AUTS2: variants seen among roughly 807,000 people sequenced by gnomAD.
AUTS2 encodes autism susceptibility gene 2 protein.
In AUTS2, 17 loss-of-function variants were observed where a neutral mutation model predicts 112.4. The observed-to-expected ratio is 0.15, with a 90% CI of 0.10 to 0.23. The LOEUF is 0.23. Among genes scored for constraint, AUTS2 ranks in the 10% least tolerant of loss-of-function variants. AUTS2 has a pLI of 1.00. For synonymous variants in AUTS2, 751 were observed against 702.7 expected, an observed-to-expected ratio of 1.07 and a Z score of -1.09; for missense variants, 1,510 against 1,701.6, an observed-to-expected ratio of 0.89 and a Z score of 1.98.
intron 5 of AUTS2, among the ~76,000 whole-genome samples, chr7:70,516,286 C>T (rs73450518): frequency 0.015 from 2,245 of 152,304 alleles, 60 homozygotes; most frequent in African/African-American, 0.051. Context: ...TCCTTCCACA[C>T]ACCCGCACCT....
intron 1 of AUTS2, among the ~76,000 whole-genome samples, chr7:69,810,610 G>C (rs1172031860): frequency 1.3e-5 from 2 of 152,074 alleles, no homozygotes; most frequent in African/African-American, 4.8e-5. Context: ...GGTTTTGAGG[G>C]AAAGAGAGAG....
intron 1 of AUTS2, among the ~76,000 whole-genome samples, chr7:69,686,743 G>T (rs1012301867): frequency 1.3e-5 from 2 of 152,026 alleles, no homozygotes; most frequent in African/African-American, 4.8e-5. Flanking sequence ...TATAGCTTTT[G>T]TCAGATTCTC....
At chr7:70,727,615 T>C (rs1427059069) in intron 6 of AUTS2, among the ~76,000 whole-genome samples, 1 of 152,234 alleles carries the variant, frequency 6.6e-6, no homozygotes, top group African/African-American at 2.4e-5. Context: ...CCCAAAGTGC[T>C]GGGATTACAG....
chr7:70,054,621 C>A (rs1053619263), intron 2 of AUTS2, among the ~76,000 whole-genome samples: 13 of 151,962 alleles, frequency 8.6e-5, no homozygotes, highest in Non-Finnish European at 1.5e-4. Flanking sequence ...TTTGGTGAAC[C>A]TATGCTGATT....
At chr7:70,163,356 GGGCA>G in intron 4 of AUTS2, among the ~76,000 whole-genome samples, 1 of 77,326 alleles carries the variant, frequency 1.3e-5, no homozygotes, top group Middle Eastern at 5.7e-3. Flanking sequence ...GGGGGGGGGG[GGGCA>G]GAGGGGGAGG....
In AUTS2 at chr7:69,924,661, C is replaced by T. The variant is rs142094132; in HGVS notation, c.522+25163C>T. On this transcript the variant is annotated intron_variant, in intron 2 of 18. Transcript: ENST00000342771. ...CTGCTTCCTGGGTTCAAGCGATTCT[C>T]CTACCTCAGCCTCCTGAGTAGCTGG... Among the ~76,000 whole-genome samples the T allele has an allele frequency of 2.5e-3, 387 of 152,174 alleles. 2 individuals carry two copies. Among genetic ancestry groups the T allele is most frequent in the Admixed American group, 4.8e-3 (73 of 15,286 alleles).
At chr7:70,449,688 G>T (rs573235296) in intron 5 of AUTS2, among the ~76,000 whole-genome samples, 1 of 152,118 alleles carries the variant, frequency 6.6e-6, no homozygotes, top group Non-Finnish European at 1.5e-5. Flanking sequence ...ATATGGATAC[G>T]TATTTACAAT....
At chr7:70,574,040 A>G (rs13233654) in intron 5 of AUTS2, among the ~76,000 whole-genome samples, 7,758 of 152,088 alleles carry the variant, frequency 0.051, 262 homozygotes, top group Middle Eastern at 0.11. Context: ...TCATGCTTCT[A>G]CCATGGCGTT....
At chr7:70,303,437 C>CAT (rs1440858065) in intron 4 of AUTS2, among the ~76,000 whole-genome samples, 2 of 141,734 alleles carry the variant, frequency 1.4e-5, no homozygotes, top group East Asian at 4.2e-4. Flanking sequence ...CGCGCGCGCA[C>CAT]ATACACACAC....
At chr7:70,360,393 G>A (rs138396014) in intron 4 of AUTS2, among the ~76,000 whole-genome samples, 8 of 152,268 alleles carry the variant, frequency 5.3e-5, no homozygotes, top group East Asian at 3.9e-4. Flanking sequence ...GTGATCTGTC[G>A]TCTCCCAAAG....
At chr7:70,606,903 A>G (rs1265134908) in intron 5 of AUTS2, among the ~76,000 whole-genome samples, 1 of 151,414 alleles carries the variant, frequency 6.6e-6, no homozygotes, top group Non-Finnish European at 1.5e-5. Context: ...AGGACTTCTC[A>G]TACACGTGCG....
chr7:69,745,112 A>G (rs1332875537), intron 1 of AUTS2, among the ~76,000 whole-genome samples: 1 of 152,150 alleles, frequency 6.6e-6, no homozygotes, highest in African/African-American at 2.4e-5. Context: ...TCGCCTTTGC[A>G]TTTTGGTGGT....
chr7:70,221,746 G>A (rs900765731), intron 4 of AUTS2, among the ~76,000 whole-genome samples: 6 of 152,320 alleles, frequency 3.9e-5, no homozygotes, highest in African/African-American at 1.2e-4. Context: ...AATTAGCCGA[G>A]CGTGGTGGTG....
At chr7:70,733,177 T>G (rs1787538998) in intron 6 of AUTS2, among the ~76,000 whole-genome samples, 1 of 152,170 alleles carries the variant, frequency 6.6e-6, no homozygotes, top group Non-Finnish European at 1.5e-5. Context: ...CACTTAATTC[T>G]TCAAGGAAGG....
intron 5 of AUTS2, among the ~76,000 whole-genome samples, chr7:70,671,664 C>G (rs182368976): frequency 1.1e-3 from 163 of 152,240 alleles, no homozygotes; most frequent in African/African-American, 2.9e-3. Context: ...AATAACCCCC[C>G]CTATGAATGA....
chr7:70,193,398 G>A (rs1810006413), intron 4 of AUTS2, among the ~76,000 whole-genome samples: 2 of 152,176 alleles, frequency 1.3e-5, no homozygotes, highest in South Asian at 4.1e-4. Flanking sequence ...AGCTAAAACT[G>A]AGTAAGATCT....
chr7:70,663,068 T>C (rs894405928), intron 5 of AUTS2, among the ~76,000 whole-genome samples: 1 of 152,162 alleles, frequency 6.6e-6, no homozygotes, highest in African/African-American at 2.4e-5. Flanking sequence ...TTTTACAGAG[T>C]AACTGAGGTT....
intron 6 of AUTS2, among the ~76,000 whole-genome samples, chr7:70,751,256 G>A (rs775572420): frequency 9.9e-5 from 15 of 152,226 alleles, no homozygotes; most frequent in South Asian, 4.1e-4. Context: ...GAGGGCAGCG[G>A]TAGGAAGGAA....
chr7:70,078,652 A>G (rs1163029307), intron 2 of AUTS2, among the ~76,000 whole-genome samples: 1 of 152,206 alleles, frequency 6.6e-6, no homozygotes, highest in Non-Finnish European at 1.5e-5. Flanking sequence ...GGGCAAAGGT[A>G]TAGTAATTGA....
Sources: gnomAD v4.1 joint callset for allele counts (sites outside exome capture counted in the v4.1 genomes callset) on GRCh38, gnomAD v4.1.1 for gene constraint, MANE v1.5 for transcripts, NCBI Gene and HGNC (gene_info 2026-07-23, HGNC 2026-07-21) for gene names.